VPS13C: variants seen among roughly 807,000 people sequenced by gnomAD.
VPS13C encodes the protein vacuolar protein sorting 13 homolog C.
Under a neutral mutation model 456.8 loss-of-function variants are expected in VPS13C, and 358 were observed. That is an observed-to-expected ratio of 0.78 (90% CI 0.72 to 0.86). The LOEUF (loss-of-function observed/expected upper bound fraction) is 0.86. VPS13C is among the 40% of genes least tolerant of loss of function. The probability of loss-of-function intolerance (pLI) is 0.00; values close to 1 mark genes in which losing one functional copy is unlikely to be tolerated. For missense variants in VPS13C, 4,818 were observed against 4,385.4 expected, an observed-to-expected ratio of 1.10 and a Z score of -2.79; for synonymous variants, 1,578 against 1,486.7, an observed-to-expected ratio of 1.06 and a Z score of -1.41.
chr15:62,022,657 A>G (rs557854731), intron 8 of VPS13C, among the ~76,000 whole-genome samples: 39 of 152,084 alleles, frequency 2.6e-4, no homozygotes, highest in African/African-American at 8.7e-4. Flanking sequence ...CCAAGAAAAG[A>G]AAAACAAATT....
chr15:61,999,942 C>T lies in VPS13C; in HGVS notation c.1353+622G>A, dbSNP rs72749745. 6.9e-3 allele frequency among the ~76,000 whole-genome samples: 1,020 copies of T among 148,154 alleles called. 10 individuals carry two copies. Among genetic ancestry groups the T allele is most frequent in the Non-Finnish European group, 0.012 (779 of 66,980 alleles). On this transcript the variant is annotated intron_variant, in intron 16 of 84. Transcript: ENST00000644861. ...AAAAAGGAGATAAAAAGCATAAATA[C>T]GCAGGTATATAAGCATGGGAGAAAA...
intron 10 of VPS13C, 43 bp from the exon 11 acceptor site, chr15:62,013,162 A>C: frequency 1.4e-6 from 2 of 1,411,516 alleles, no homozygotes; most frequent in Non-Finnish European, 2.0e-6. Flanking sequence ...CAACACACTG[A>C]AATTATGAAT....
chr15:61,986,217 G>A (rs1021026890), intron 18 of VPS13C, among the ~76,000 whole-genome samples: 4 of 150,390 alleles, frequency 2.7e-5, no homozygotes, highest in Non-Finnish European at 4.4e-5. Flanking sequence ...ATTCACAGGC[G>A]CTCTAGACAT....
In VPS13C at chr15:61,863,503, TC is replaced by T; in HGVS notation, c.10888del (p.Glu3630ArgfsTer27). On this transcript the variant is annotated frameshift_variant, in exon 82 of 85. Transcript: ENST00000644861. LOFTEE classifies it high-confidence loss of function. ...AATAGCACAGTGGTATCGGTAAGTC[TC>T]TCCTTCCAACTTTTTGATATGATTC... The part of the protein sequence containing the change: ...LENHIKKLEG[E>X]TYRYHCAIPG... 3 of 1,612,802 alleles carry T rather than the reference TC, an allele frequency of 1.9e-6. No individual in the cohort carries two copies. Among genetic ancestry groups the T allele is most frequent in the Non-Finnish European group, 2.5e-6 (3 of 1,179,194 alleles).
chr15:61,927,595 G>A (rs1036297351), intron 51 of VPS13C, among the ~76,000 whole-genome samples: 2 of 152,114 alleles, frequency 1.3e-5, no homozygotes, highest in African/African-American at 2.4e-5. Context: ...CACTGTTGGC[G>A]GGACTGTAAA....
At chr15:61,894,324 A>G (rs1303858286) in intron 66 of VPS13C, among the ~76,000 whole-genome samples, 1 of 151,958 alleles carries the variant, frequency 6.6e-6, no homozygotes, top group Non-Finnish European at 1.5e-5. Context: ...AAAAGCAGAA[A>G]AAAAAAAAAC....
At chr15:61,946,804 A>G (rs779503085) in intron 43 of VPS13C, among the ~76,000 whole-genome samples, 2 of 152,056 alleles carry the variant, frequency 1.3e-5, no homozygotes, top group African/African-American at 2.4e-5. Flanking sequence ...AACATTTACT[A>G]TATTATTAAA....
chr15:62,007,278 A>T lies in VPS13C; in HGVS notation c.1290+30T>A, dbSNP rs769113891. ...ATATTAAAGGATGATTAGACAAATA[A>T]TAGCTCTCACTAATATATGCAAGAT... On this transcript the variant is annotated intron_variant, in intron 15 of 84. Transcript: ENST00000644861. 6 of 1,437,828 alleles carry T rather than the reference A, an allele frequency of 4.2e-6. No homozygotes were observed. In the African/African-American group the frequency reaches 8.6e-5, roughly 21 times the overall value. 89.1% of individuals were successfully genotyped at this position (1,437,828 alleles called of 1,614,324 possible).
chr15:61,912,194 T>C (rs1276361758), intron 62 of VPS13C, among the ~76,000 whole-genome samples, 190 bp from the exon 63 acceptor site: 1 of 152,172 alleles, frequency 6.6e-6, no homozygotes, highest in Non-Finnish European at 1.5e-5. Context: ...TTTGGCTCCA[T>C]CAGAAACAAT....
rs8028217 is a variant in VPS13C, at chr15:61,946,585, T to A, written c.4877-175A>T. 0.43 allele frequency among the ~76,000 whole-genome samples: 64,930 copies of A among 151,094 alleles called. 14,090 individuals carry two copies. The highest frequency in any genetic ancestry group is 0.62 in the Middle Eastern group (179 of 288). On this transcript the variant is annotated intron_variant, in intron 43 of 84. Transcript: ENST00000644861. Reference sequence around the variant, plus strand: ...GATACCTAAGAAAGGTAATAATACCTTTAAATAATAACTTTAAGGGACACA... The same window carrying A: ...GATACCTAAGAAAGGTAATAATACCATTAAATAATAACTTTAAGGGACACA...
chr15:62,040,232 G>T (rs2048195550), intron 3 of VPS13C, among the ~76,000 whole-genome samples: 1 of 152,066 alleles, frequency 6.6e-6, no homozygotes, highest in Non-Finnish European at 1.5e-5. Context: ...GGGGAGAATG[G>T]TTAATGAATA....
chr15:61,856,148 A>C, intron 83 of VPS13C, 138 bp downstream of exon 83: 1 of 1,058,728 alleles, frequency 9.4e-7, no homozygotes, highest in Non-Finnish European at 1.3e-6. Context: ...ATTCAAATAA[A>C]TTGATTACAT....
Position 61,869,548 on chromosome 15 carries a change from GT to G in VPS13C, c.10699del (p.Thr3567LeufsTer5), listed in dbSNP as rs1894860378. 1 of 1,614,136 alleles carries G rather than the reference GT, an allele frequency of 6.2e-7. No individual in the cohort carries two copies. On this transcript the variant is annotated frameshift_variant, in exon 80 of 85. Coordinates refer to ENST00000644861, the MANE Select transcript of VPS13C (RefSeq NM_020821.3). LOFTEE classifies it high-confidence loss of function. The stretch of plus-strand genomic sequence containing the variant: ...ACTGGCCATATCTACGATTCCACCA[GT>G]TGGACGGGCCACAGCACCCACAAGC... ...KGLVGAVARPTGGIVDMASST... is the reference protein window; with the variant it reads ...KGLVGAVARPXGGIVDMASST...
At chr15:61,930,082 TAACAA>T (rs1327955943) in intron 50 of VPS13C, among the ~76,000 whole-genome samples, 5 of 152,222 alleles carry the variant, frequency 3.3e-5, no homozygotes, top group African/African-American at 4.8e-5. Flanking sequence ...TTTGGGCAAT[TAACAA>T]AACAAATCAG....
intron 15 of VPS13C, among the ~76,000 whole-genome samples, chr15:62,002,581 T>C (rs889231989): frequency 1.3e-5 from 2 of 152,228 alleles, no homozygotes; most frequent in African/African-American, 4.8e-5. Flanking sequence ...GTTTTAGACA[T>C]GAAGTCCTTG....
In VPS13C at chr15:61,950,432, G is replaced by C. The variant is rs1224633292; in HGVS notation, c.4537-15C>G. The C allele has an allele frequency of 6.3e-7, 1 of 1,597,500 alleles. No homozygotes were observed. Among genetic ancestry groups the C allele is most frequent in the East Asian group, 2.2e-5 (1 of 44,570 alleles). ...TCACTGTCTGCCTACAAATAGTGGA[G>C]AATTACACCACTGAGTTTCAAACAC... On this transcript the variant is annotated splice_polypyrimidine_tract_variant and intron_variant, in intron 40 of 84. Transcript: ENST00000644861.
chr15:61,998,364 CT>C (rs1190911907), intron 16 of VPS13C, among the ~76,000 whole-genome samples: 9 of 152,052 alleles, frequency 5.9e-5, no homozygotes, highest in African/African-American at 1.9e-4. Context: ...ACCTTGTCCC[CT>C]ACTACAATAT....
chr15:61,892,624 C>T (rs2042686114), intron 66 of VPS13C, among the ~76,000 whole-genome samples: 1 of 151,966 alleles, frequency 6.6e-6, no homozygotes, highest in Non-Finnish European at 1.5e-5. Flanking sequence ...AGCAGGGAAC[C>T]ATGGCCTCCC....
chr15:61,941,333 G>A (rs541676678), intron 46 of VPS13C, among the ~76,000 whole-genome samples: 18 of 152,094 alleles, frequency 1.2e-4, no homozygotes, highest in Non-Finnish European at 1.9e-4. Context: ...GTCCCATTTC[G>A]ATTCACTAAT....
Sources: gnomAD v4.1 joint callset for allele counts (sites outside exome capture counted in the v4.1 genomes callset) on GRCh38, gnomAD v4.1.1 for gene constraint, MANE v1.5 for transcripts, NCBI Gene and HGNC (gene_info 2026-07-23, HGNC 2026-07-21) for gene names.